Variants in DGKI observed in about 807,000 individuals in gnomAD.
DGKI encodes diacylglycerol kinase iota.
In DGKI, 55 loss-of-function variants were observed where a neutral mutation model predicts 147.5. That is an observed-to-expected ratio of 0.37 (90% CI 0.30 to 0.47). The LOEUF is 0.47. DGKI is among the 20% of genes least tolerant of loss of function. The pLI is 1.00. For synonymous variants in DGKI, 469 were observed against 477.1 expected, an observed-to-expected ratio of 0.98 and a Z score of 0.22; for missense variants, 1,007 against 1,323.8, an observed-to-expected ratio of 0.76 and a Z score of 3.71.
At chr7:137,554,589 T>C (rs1419356195) in intron 19 of DGKI, among the ~76,000 whole-genome samples, 1 of 152,146 alleles carries the variant, frequency 6.6e-6, no homozygotes, top group African/African-American at 2.4e-5. Flanking sequence ...CACACTACAC[T>C]CTTCCCTGGA....
intron 23 of DGKI, among the ~76,000 whole-genome samples, chr7:137,470,602 CT>C (rs1814844699): frequency 6.6e-6 from 1 of 152,058 alleles, no homozygotes; most frequent in Admixed American, 6.6e-5. Flanking sequence ...GTCTTCCAGG[CT>C]GTCTTCCAGG....
chr7:137,541,007 T>C (rs758644788), intron 20 of DGKI, among the ~76,000 whole-genome samples: 28 of 152,174 alleles, frequency 1.8e-4, no homozygotes, highest in Non-Finnish European at 1.8e-4. Flanking sequence ...CAATTTCTAG[T>C]AGAATTTTTG....
At chr7:137,636,310 G>GAT (rs1476429827) in intron 6 of DGKI, among the ~76,000 whole-genome samples, 3 of 152,152 alleles carry the variant, frequency 2.0e-5, no homozygotes, top group Non-Finnish European at 4.4e-5. Context: ...TGAGGAGAGA[G>GAT]ATGATGAATA....
chr7:137,416,012 A>C (rs1295096231), intron 28 of DGKI, among the ~76,000 whole-genome samples: 1 of 152,006 alleles, frequency 6.6e-6, no homozygotes, highest in Non-Finnish European at 1.5e-5. Context: ...CAAACAAAAA[A>C]AACAACAACA....
chr7:137,728,783 T>C lies in DGKI; in HGVS notation c.402-38781A>G, dbSNP rs1157050523. On this transcript the variant is annotated intron_variant, in intron 1 of 32. Coordinates refer to ENST00000614521, the MANE Select transcript of DGKI (RefSeq NM_001321708.2). The stretch of plus-strand genomic sequence containing the variant: ...TAACACATTCTTTCCTTAGACATAG[T>C]AATATTTTTAATCACATGAAAGTTA... 2.6e-5 allele frequency among the ~76,000 whole-genome samples: 4 copies of C among 152,182 alleles called. No individual in the cohort carries two copies. In the East Asian group the frequency reaches 7.7e-4, roughly 29 times the overall value.
Position 137,605,318 on chromosome 7 carries a change from A to T in DGKI, c.1167+3648T>A, listed in dbSNP as rs202057314. On this transcript the variant is annotated intron_variant, in intron 10 of 32. Transcript: ENST00000614521. ...GCAAGACTCCGTCTCAAAAATATAA[A>T]ATAAAATAAAATAAAATAAAATAAA... Among the ~76,000 whole-genome samples, 21 of 87,640 alleles carry T rather than the reference A, an allele frequency of 2.4e-4. No homozygotes were observed. The East Asian group carries it at 4.8e-3, about 20-fold the overall frequency. The allele number at this position is 87,640 out of a possible 152,430, so 57.5% of individuals were successfully genotyped here. A position where few individuals can be genotyped will look rare whatever the true frequency, so the allele number is the denominator to read the frequency against.
intron 14 of DGKI, 60 bp from the exon 15 acceptor site, chr7:137,581,988 T>G: frequency 7.1e-7 from 1 of 1,402,458 alleles, no homozygotes; most frequent in East Asian, 2.3e-5. Flanking sequence ...AAGAGAAGAA[T>G]AAAACCTAAA....
intron 7 of DGKI, 148 bp from the exon 8 acceptor site, chr7:137,620,088 A>T: frequency 1.6e-6 from 1 of 623,516 alleles, no homozygotes; most frequent in Admixed American, 2.5e-5. Context: ...ATGCATGCAC[A>T]CATGCACACA....
At chr7:137,501,468 T>C (rs1339405371) in intron 21 of DGKI, among the ~76,000 whole-genome samples, 1 of 152,200 alleles carries the variant, frequency 6.6e-6, no homozygotes, top group Non-Finnish European at 1.5e-5. Flanking sequence ...ATGGTGGCCA[T>C]ACTAATTTAC....
At chr7:137,711,288 G>A (rs1216463696) in intron 1 of DGKI, among the ~76,000 whole-genome samples, 1 of 152,060 alleles carries the variant, frequency 6.6e-6, no homozygotes, top group East Asian at 1.9e-4. Flanking sequence ...CACACAAGAT[G>A]ATAGTTAAAA....
intron 1 of DGKI, among the ~76,000 whole-genome samples, chr7:137,800,590 T>C (rs919637187): frequency 6.6e-6 from 1 of 152,190 alleles, no homozygotes; most frequent in Admixed American, 6.5e-5. Flanking sequence ...CATGAGCCCA[T>C]TAAACATCTT....
chr7:137,828,204 T>A (rs1287335360), intron 1 of DGKI, among the ~76,000 whole-genome samples: 2 of 152,266 alleles, frequency 1.3e-5, no homozygotes, highest in East Asian at 3.8e-4. Context: ...GTGGCTATTT[T>A]TTTTATTTCT....
rs569559785 is a variant in DGKI at position 137,473,025 on chromosome 7, A to G, written c.2374-3406T>C. 2.4e-4 allele frequency among the ~76,000 whole-genome samples: 36 copies of G among 152,264 alleles called. 1 individual carries two copies. Among genetic ancestry groups the G allele is most frequent in the African/African-American group, 8.7e-4 (36 of 41,576 alleles). On this transcript the variant is annotated intron_variant, in intron 23 of 32. Transcript: ENST00000614521. The stretch of plus-strand genomic sequence containing the variant: ...AATTACAGAAAATTGGATGTTATTT[A>G]GTCTAGGTTAGTAAAATCTAGATTG...
intron 6 of DGKI, among the ~76,000 whole-genome samples, chr7:137,642,161 T>A (rs943941628): frequency 6.6e-5 from 10 of 152,230 alleles, no homozygotes; most frequent in Non-Finnish European, 1.2e-4. Flanking sequence ...CATCCTTCTC[T>A]ACTCAATGAC....
intron 1 of DGKI, among the ~76,000 whole-genome samples, chr7:137,778,983 T>C (rs1397418800): frequency 6.6e-6 from 1 of 152,212 alleles, no homozygotes; most frequent in African/African-American, 2.4e-5. Context: ...GCAGGTCTTC[T>C]GAAAATAAAA....
At chr7:137,785,726 C>A (rs532862211) in intron 1 of DGKI, among the ~76,000 whole-genome samples, 2 of 151,784 alleles carry the variant, frequency 1.3e-5, no homozygotes, top group African/African-American at 2.4e-5. Flanking sequence ...AAATCCCCAA[C>A]AAAATACTAG....
intron 1 of DGKI, among the ~76,000 whole-genome samples, chr7:137,704,591 A>G (rs1174127329): frequency 6.6e-6 from 1 of 152,234 alleles, no homozygotes; most frequent in East Asian, 1.9e-4. Flanking sequence ...AAAGGGGGCA[A>G]AAAGAATATT....
chr7:137,425,886 A>C (rs1422402474), intron 28 of DGKI, among the ~76,000 whole-genome samples: 3 of 152,162 alleles, frequency 2.0e-5, no homozygotes, highest in African/African-American at 4.8e-5. Context: ...ACTCCAAGAA[A>C]TATGGGACTA....
At chr7:137,706,794 G>A (rs1794044591) in intron 1 of DGKI, among the ~76,000 whole-genome samples, 1 of 151,732 alleles carries the variant, frequency 6.6e-6, no homozygotes, top group South Asian at 2.1e-4. Context: ...GAATGGTCTC[G>A]ATCTCCTGAC....
Sources: allele counts gnomAD v4.1 joint callset (sites outside exome capture counted in the v4.1 genomes callset), GRCh38; gene constraint gnomAD v4.1.1; transcripts MANE v1.5; gene names NCBI Gene and HGNC (gene_info 2026-07-23, HGNC 2026-07-21).